CALN1: variants seen among roughly 807,000 people sequenced by gnomAD.
CALN1 encodes the protein calneuron 1, also known as calcium-binding protein 8.
Under a neutral mutation model 30.6 loss-of-function variants are expected in CALN1, and 17 were observed. The ratio of observed to expected loss-of-function variants is 0.56; its 90% CI spans 0.38 to 0.83. CALN1 has a LOEUF of 0.83. CALN1 is among the 40% of genes least tolerant of loss of function. The pLI, the probability that CALN1 is intolerant of heterozygous loss-of-function variation, is 0.00. For missense variants in CALN1, 291 were observed against 354.9 expected, an observed-to-expected ratio of 0.82 and a Z score of 1.45; for synonymous variants, 156 against 131.4, an observed-to-expected ratio of 1.19 and a Z score of -1.28.
rs113791550 is a variant in CALN1 at position 72,063,342 on chromosome 7, C to T, written c.389-39573G>A. On this transcript the variant is annotated intron_variant, in intron 4 of 6. Transcript: ENST00000395275. Reference sequence around the variant, plus strand: ...AACATCTGCAAAGCCATACAATAATCTTTCAAAATGGTATGACATGCAATG... The same window carrying T: ...AACATCTGCAAAGCCATACAATAATTTTTCAAAATGGTATGACATGCAATG... Among the ~76,000 whole-genome samples, 74 of 152,352 alleles carry T rather than the reference C, an allele frequency of 4.9e-4. 1 individual carries two copies. The highest frequency in any genetic ancestry group is 1.7e-3 in the African/African-American group (72 of 41,574).
intron 5 of CALN1, among the ~76,000 whole-genome samples, chr7:71,912,508 A>C (rs1794476872): frequency 2.0e-5 from 3 of 152,234 alleles, no homozygotes; most frequent in African/African-American, 2.4e-5. Flanking sequence ...GTTTGTGTTT[A>C]GTACCAGAAA....
chr7:71,918,682 GGAA>G (rs1420790822), intron 5 of CALN1, among the ~76,000 whole-genome samples: 2 of 152,168 alleles, frequency 1.3e-5, no homozygotes, highest in African/African-American at 4.8e-5. Flanking sequence ...GTTCCCAGAA[GGAA>G]GAAGGTCAAC....
At chr7:71,873,995 C>G (rs1253060666) in intron 5 of CALN1, among the ~76,000 whole-genome samples, 1 of 152,168 alleles carries the variant, frequency 6.6e-6, no homozygotes, top group Non-Finnish European at 1.5e-5. Context: ...CTAGATTCGG[C>G]CAGGTGCAGT....
At chr7:71,845,189 T>C (rs1245882494) in intron 5 of CALN1, among the ~76,000 whole-genome samples, 2 of 152,330 alleles carry the variant, frequency 1.3e-5, no homozygotes, top group African/African-American at 2.4e-5. Context: ...TGGCAGAATG[T>C]GTCTTACTTG....
intron 5 of CALN1, among the ~76,000 whole-genome samples, chr7:71,973,458 G>A (rs1316567045): frequency 6.6e-6 from 1 of 152,186 alleles, no homozygotes; most frequent in Non-Finnish European, 1.5e-5. Context: ...TTAGAGGCGT[G>A]AGCCACCTTG....
At chr7:71,987,592 T>C (rs957130457) in intron 5 of CALN1, among the ~76,000 whole-genome samples, 3 of 152,134 alleles carry the variant, frequency 2.0e-5, no homozygotes, top group Admixed American at 1.3e-4. Flanking sequence ...GGTAGGCTTG[T>C]GAAAGTGTTA....
chr7:72,324,301 G>A (rs1164829123), intron 2 of CALN1, among the ~76,000 whole-genome samples: 1 of 152,004 alleles, frequency 6.6e-6, no homozygotes, highest in Non-Finnish European at 1.5e-5. Context: ...GTTCTGGAGG[G>A]ATTTCACCTC....
At chr7:72,197,134 T>C (rs1461446152) in intron 3 of CALN1, among the ~76,000 whole-genome samples, 3 of 151,868 alleles carry the variant, frequency 2.0e-5, no homozygotes, top group Non-Finnish European at 4.4e-5. Flanking sequence ...TTTCCTATAT[T>C]TAATTTCCTG....
intron 5 of CALN1, among the ~76,000 whole-genome samples, chr7:71,917,423 C>T (rs187088365): frequency 1.2e-4 from 19 of 152,238 alleles, no homozygotes; most frequent in Middle Eastern, 6.8e-3. Context: ...TAAGTATCCT[C>T]GCCCTACATG....
chr7:72,136,288 C>A (rs1809507541), intron 3 of CALN1, among the ~76,000 whole-genome samples: 2 of 152,156 alleles, frequency 1.3e-5, no homozygotes, highest in East Asian at 3.8e-4. Flanking sequence ...GCACTTGTTG[C>A]TTCACCTTGT....
chr7:72,371,015 T>C (rs1408254252), intron 2 of CALN1, among the ~76,000 whole-genome samples: 3 of 121,264 alleles, frequency 2.5e-5, no homozygotes, highest in Non-Finnish European at 4.9e-5. Flanking sequence ...CCCACAGAAC[T>C]CCAACTTTGG....
intron 2 of CALN1, among the ~76,000 whole-genome samples, chr7:72,296,112 T>G (rs1798835770): frequency 1.3e-5 from 2 of 152,174 alleles, no homozygotes; most frequent in South Asian, 2.1e-4. Flanking sequence ...CTGCATCTAT[T>G]GAGATAATCA....
chr7:72,034,669 T>C (rs1404453854), intron 4 of CALN1, among the ~76,000 whole-genome samples: 2 of 151,824 alleles, frequency 1.3e-5, no homozygotes, highest in African/African-American at 2.4e-5. Flanking sequence ...TTGCCTGTAA[T>C]TCCAGCTACT....
At chr7:71,938,976 G>GATGATTGA in intron 5 of CALN1, among the ~76,000 whole-genome samples, 1 of 151,984 alleles carries the variant, frequency 6.6e-6, no homozygotes, top group South Asian at 2.1e-4. Context: ...CAGTCATCAG[G>GATGATTGA]ATGATTGAAT....
At chr7:72,041,959 G>A (rs564560012) in intron 4 of CALN1, among the ~76,000 whole-genome samples, 5 of 152,132 alleles carry the variant, frequency 3.3e-5, no homozygotes, top group Non-Finnish European at 7.3e-5. Flanking sequence ...GTCCATTAAA[G>A]CTATTTCCTT....
chr7:71,985,186 A>G (rs1473577271), intron 5 of CALN1, among the ~76,000 whole-genome samples: 1 of 151,448 alleles, frequency 6.6e-6, no homozygotes, highest in East Asian at 2.0e-4. Context: ...AGACGGGGAA[A>G]TGTTCAGCCT....
intron 1 of CALN1, among the ~76,000 whole-genome samples, chr7:72,443,201 T>C (rs150605919): frequency 6.6e-6 from 1 of 152,324 alleles, no homozygotes; most frequent in East Asian, 1.9e-4. Context: ...AATTTACCTT[T>C]CGTGACTTAT....
the CALN1 span, among the ~76,000 whole-genome samples, chr7:72,455,915 G>A: frequency 6.6e-6 from 1 of 152,186 alleles, no homozygotes; most frequent in Admixed American, 6.5e-5. Context: ...TCTTAACATG[G>A]TGAGTTCACG....
chr7:71,856,440 C>T (rs903259868), intron 5 of CALN1, among the ~76,000 whole-genome samples: 2 of 151,950 alleles, frequency 1.3e-5, no homozygotes, highest in African/African-American at 4.8e-5. Context: ...AGGTGTGCAC[C>T]ACCACACCTG....
Sources: gnomAD v4.1 joint callset for allele counts (sites outside exome capture counted in the v4.1 genomes callset) on GRCh38, gnomAD v4.1.1 for gene constraint, MANE v1.5 for transcripts, NCBI Gene and HGNC (gene_info 2026-07-23, HGNC 2026-07-21) for gene names.